Variants in SLC25A12 observed in about 807,000 individuals in gnomAD.
SLC25A12 encodes solute carrier family 25 member 12.
A neutral mutation model predicts 83.3 loss-of-function variants in SLC25A12; 32 were observed. The ratio of observed to expected loss-of-function variants is 0.38; its 90% CI spans 0.29 to 0.52. The LOEUF (loss-of-function observed/expected upper bound fraction) is 0.52, where lower values mean the gene tolerates loss of function less well. SLC25A12 is among the 20% of genes least tolerant of loss of function. The probability of loss-of-function intolerance (pLI) is 0.84; values close to 1 mark genes in which losing one functional copy is unlikely to be tolerated. For synonymous variants in SLC25A12, 267 were observed against 291.1 expected (o/e 0.92, Z 0.84); for missense variants, 611 against 835.6 (o/e 0.73, Z 3.31).
chr2:171,870,613 C>A (rs992997599), intron 2 of SLC25A12, among the ~76,000 whole-genome samples: 1 of 151,376 alleles, frequency 6.6e-6, no homozygotes, highest in Non-Finnish European at 1.5e-5. Context: ...AGAGCAAGAC[C>A]CTGTTTCAAA....
intron 2 of SLC25A12, among the ~76,000 whole-genome samples, chr2:171,881,175 C>T (rs1359125379): frequency 1.3e-5 from 2 of 151,198 alleles, no homozygotes; most frequent in African/African-American, 2.5e-5. Context: ...GTTGTTGAGA[C>T]GGAGTCTCAC....
intron 4 of SLC25A12, among the ~76,000 whole-genome samples, chr2:171,846,332 T>G (rs1684797810): frequency 6.6e-6 from 1 of 152,018 alleles, no homozygotes. Flanking sequence ...ATTTCAAGAG[T>G]TAAAATATAA....
At chr2:171,791,626 A>C in intron 14 of SLC25A12, 37 bp from the exon 15 acceptor site, 1 of 1,608,082 alleles carries the variant, frequency 6.2e-7, no homozygotes, top group Non-Finnish European at 8.5e-7. Context: ...AAACAGTGTG[A>C]AACTGAGTGT....
At chr2:171,830,076 T>C (rs1405983915) in intron 8 of SLC25A12, among the ~76,000 whole-genome samples, 4 of 152,180 alleles carry the variant, frequency 2.6e-5, no homozygotes, top group African/African-American at 7.2e-5. Context: ...CTTTAGAAAA[T>C]ATACCAATCT....
chr2:171,854,670 T>C (rs1478432928), intron 4 of SLC25A12, among the ~76,000 whole-genome samples: 1 of 152,194 alleles, frequency 6.6e-6, no homozygotes, highest in Non-Finnish European at 1.5e-5. Flanking sequence ...AAACAATCAA[T>C]GTCACGCTAG....
intron 4 of SLC25A12, among the ~76,000 whole-genome samples, chr2:171,851,765 G>T (rs1249767407): frequency 6.6e-6 from 1 of 152,070 alleles, no homozygotes; most frequent in Non-Finnish European, 1.5e-5. Flanking sequence ...GAACTCCTGG[G>T]CTCAAGCAGT....
chr2:171,886,518 T>C (rs549781604), intron 2 of SLC25A12, among the ~76,000 whole-genome samples: 1 of 151,510 alleles, frequency 6.6e-6, no homozygotes, highest in Non-Finnish European at 1.5e-5. Context: ...TATTCTTTTT[T>C]TTTTGTTTTG....
rs111971237 is a variant in SLC25A12 at position 171,807,474 on chromosome 2, G to C, written c.1305+2132C>G. Among the ~76,000 whole-genome samples the C allele has an allele frequency of 2.3e-4, 35 of 152,300 alleles. 2 individuals are homozygous for C. The highest frequency in any genetic ancestry group is 7.9e-4 in the African/African-American group (33 of 41,572). On this transcript the variant is annotated intron_variant, in intron 13 of 17. Transcript: ENST00000422440. ...AGGTCACATGTCAGACATGGAAACAGGTCAGCTTCATGACCAAAAACCTGG... is the reference window on the plus strand; with the variant it reads ...AGGTCACATGTCAGACATGGAAACACGTCAGCTTCATGACCAAAAACCTGG...
intron 9 of SLC25A12, among the ~76,000 whole-genome samples, chr2:171,819,194 A>C (rs1312625119): frequency 3.0e-5 from 4 of 135,236 alleles, no homozygotes; most frequent in Non-Finnish European, 4.6e-5. Context: ...AATACGTATT[A>C]TATATTAATA....
At position 171,843,697 on chromosome 2, in the gene SLC25A12, C is replaced by G. The variant is rs536450914; in HGVS notation, c.465+672G>C. Among the ~76,000 whole-genome samples, 35 of 151,540 alleles carry G rather than the reference C, an allele frequency of 2.3e-4. 1 individual carries two copies. The South Asian group carries it at 6.1e-3, about 26-fold the overall frequency. On this transcript the variant is annotated intron_variant, in intron 5 of 17. Coordinates refer to ENST00000422440, the MANE Select transcript of SLC25A12 (RefSeq NM_003705.5). ...AAAATTATAATAACTCATAGGATTACTGATCTAAGCAGAATCATGACATAA... is the reference window on the plus strand; with the variant it reads ...AAAATTATAATAACTCATAGGATTAGTGATCTAAGCAGAATCATGACATAA...
chr2:171,855,843 C>T lies in SLC25A12; in HGVS notation c.316G>A (p.Val106Met), dbSNP rs1294875638. 2 of 1,588,174 alleles carry T rather than the reference C, an allele frequency of 1.3e-6. No individual in the cohort carries two copies. The highest frequency in any genetic ancestry group is 1.7e-6 in the Non-Finnish European group (2 of 1,156,430). ...CTTCTTTTTCCCTTACCAAATGTCA[C>T]CTCTCCATTTCCACTCTTGTCAAAC... Reference protein sequence around the residue: ...QLFDKSGNGEVTFENVKEIFG... With the variant: ...QLFDKSGNGEMTFENVKEIFG... The change falls in exon 4 of 18, where the codon GTG becomes ATG. Residue 106 changes from valine to methionine, a missense_variant. Around this residue, in one of 3 missense-constraint regions of SLC25A12, gnomAD observed 540 missense variants for 777.5 expected, o/e 0.69. Transcript: ENST00000422440.
intron 13 of SLC25A12, among the ~76,000 whole-genome samples, chr2:171,796,691 A>G (rs1429993442): frequency 6.6e-6 from 1 of 152,082 alleles, no homozygotes; most frequent in Non-Finnish European, 1.5e-5. Flanking sequence ...ACCTCATGAT[A>G]GGCCTAGGAA....
chr2:171,884,390 C>T (rs1277884112), intron 2 of SLC25A12, among the ~76,000 whole-genome samples: 1 of 151,576 alleles, frequency 6.6e-6, no homozygotes, highest in African/African-American at 2.4e-5. Context: ...GGGGTTTCAC[C>T]TTGTTGTCCA....
intron 4 of SLC25A12, among the ~76,000 whole-genome samples, chr2:171,854,294 C>T (rs943536957): frequency 3.9e-5 from 6 of 152,038 alleles, no homozygotes; most frequent in Non-Finnish European, 5.9e-5. Flanking sequence ...GCAGGCCAGG[C>T]GCGGTGGCTC....
At chr2:171,871,031 G>A (rs899668970) in intron 2 of SLC25A12, among the ~76,000 whole-genome samples, 2 of 151,886 alleles carry the variant, frequency 1.3e-5, no homozygotes, top group African/African-American at 4.8e-5. Context: ...GAGAGACCAG[G>A]TCTCTACAAA....
At chr2:171,792,342 T>C (rs1463829815) in intron 14 of SLC25A12, among the ~76,000 whole-genome samples, 3 of 151,744 alleles carry the variant, frequency 2.0e-5, no homozygotes, top group Admixed American at 6.6e-5. Context: ...GGCTGGAGCA[T>C]AGTGGCAGGA....
chr2:171,791,723 G>T, intron 14 of SLC25A12, 134 bp from the exon 15 acceptor site: 1 of 808,802 alleles, frequency 1.2e-6, no homozygotes. Context: ...CCCTTAAACA[G>T]CATTAGAACT....
intron 4 of SLC25A12, among the ~76,000 whole-genome samples, chr2:171,847,334 C>A (rs1684819776): frequency 6.6e-6 from 1 of 152,134 alleles, no homozygotes; most frequent in Non-Finnish European, 1.5e-5. Context: ...TCATAAATTG[C>A]CACTTTACTT....
At chr2:171,848,352 T>C (rs752003257) in intron 4 of SLC25A12, 4 of 460,126 alleles carry the variant, frequency 8.7e-6, no homozygotes, top group Non-Finnish European at 1.8e-5. Flanking sequence ...ATTCCAAGGA[T>C]TCCAGCCCAG....
Sources: gnomAD v4.1 joint callset for allele counts (sites outside exome capture counted in the v4.1 genomes callset) on GRCh38, gnomAD v4.1.1 for gene constraint, gnomAD v4.1.1 regional missense constraint, MANE v1.5 for transcripts, NCBI Gene and HGNC (gene_info 2026-07-23, HGNC 2026-07-21) for gene names.